The following PNPT1 variants were observed in gnomAD, a reference collection of about 807,000 sequenced individuals.
The protein encoded by PNPT1 is polyribonucleotide nucleotidyltransferase 1, mitochondrial.
PNPT1 carries 53 observed loss-of-function variants against 119.5 expected under a neutral mutation model. The ratio of observed to expected loss-of-function variants is 0.44; its 90% CI spans 0.36 to 0.56. The LOEUF (loss-of-function observed/expected upper bound fraction) is 0.56. Ranked by LOEUF, PNPT1 falls within the 20% of genes least tolerant of loss-of-function variation. The probability of loss-of-function intolerance (pLI) is 0.00; values close to 1 mark genes in which losing one functional copy is unlikely to be tolerated. For synonymous variants in PNPT1, 357 were observed against 322.1 expected (o/e 1.11, Z -1.16); for missense variants, 948 against 938.5 (o/e 1.01, Z -0.13).
intron 2 of PNPT1, among the ~76,000 whole-genome samples, chr2:55,687,276 C>A (rs1422413228): frequency 6.7e-6 from 1 of 148,528 alleles, no homozygotes; most frequent in Non-Finnish European, 1.5e-5. Context: ...CCCGTCTCTA[C>A]TAAAAATACA....
Position 55,672,893 on chromosome 2 carries a change from TTATGAG to T in PNPT1, c.860_865del (p.Thr287_His288del), listed in dbSNP as rs746511890. ...TTTTCATTTGCACAGATGTTCTTAC[TTATGAG>T]TATATTTCACAATCTCTGGCGAAGG... On this transcript the variant is annotated inframe_deletion and splice_region_variant, in exon 9 of 28. Coordinates refer to ENST00000447944, the MANE Select transcript of PNPT1 (RefSeq NM_033109.5). 2.5e-6 allele frequency: 4 copies of T among 1,589,684 alleles called. No individual in the cohort carries two copies. The highest frequency in any genetic ancestry group is 2.3e-5 in the East Asian group (1 of 44,032).
chr2:55,651,257 A>AC (rs1696187719), intron 18 of PNPT1, among the ~76,000 whole-genome samples: 1 of 149,024 alleles, frequency 6.7e-6, no homozygotes, highest in Non-Finnish European at 1.5e-5. Flanking sequence ...CCCGGCCACC[A>AC]CCCCGTCTGG....
intron 26 of PNPT1, among the ~76,000 whole-genome samples, chr2:55,637,999 C>CAA (rs890316221): frequency 4.4e-4 from 39 of 88,044 alleles, no homozygotes; most frequent in African/African-American, 9.1e-4. Context: ...GAATCCGTCT[C>CAA]AAAAAAAAAA....
intron 13 of PNPT1, among the ~76,000 whole-genome samples, chr2:55,662,264 C>G (rs777873277): frequency 6.6e-6 from 1 of 152,138 alleles, no homozygotes; most frequent in African/African-American, 2.4e-5. Flanking sequence ...AAGCACTGCT[C>G]TAGGAGTGCT....
chr2:55,639,245 C>T (rs909523712), intron 26 of PNPT1, among the ~76,000 whole-genome samples: 1 of 152,136 alleles, frequency 6.6e-6, no homozygotes, highest in Non-Finnish European at 1.5e-5. Flanking sequence ...GTGTATCATT[C>T]TTTCAACTTC....
intron 18 of PNPT1, among the ~76,000 whole-genome samples, chr2:55,651,232 T>G (rs1340476338): frequency 6.7e-6 from 1 of 149,644 alleles, no homozygotes; most frequent in Non-Finnish European, 1.5e-5. Context: ...TACTGGGAAG[T>G]GAGGAGCCCC....
chr2:55,658,895 C>A (rs1220476520), intron 15 of PNPT1, among the ~76,000 whole-genome samples: 3 of 152,174 alleles, frequency 2.0e-5, no homozygotes, highest in African/African-American at 4.8e-5. Context: ...GGGCAGCCAA[C>A]AAGGGTTACA....
At chr2:55,636,438 G>C (rs1270249610) in intron 27 of PNPT1, 46 bp from the exon 28 acceptor site, 1 of 1,586,586 alleles carries the variant, frequency 6.3e-7, no homozygotes, top group Non-Finnish European at 8.6e-7. Flanking sequence ...AGCACATTGA[G>C]TGACATCTAA....
intron 3 of PNPT1, among the ~76,000 whole-genome samples, chr2:55,685,464 G>C (rs1015222612): frequency 6.6e-6 from 1 of 152,108 alleles, no homozygotes; most frequent in Non-Finnish European, 1.5e-5. Context: ...GGAGTTTGAG[G>C]CTGCAGTGAA....
intron 8 of PNPT1, among the ~76,000 whole-genome samples, chr2:55,673,581 T>A (rs2104130006): frequency 6.6e-6 from 1 of 152,128 alleles, no homozygotes; most frequent in Admixed American, 6.5e-5. Context: ...CCCGAGTAGC[T>A]GGGACTACAG....
intron 18 of PNPT1, among the ~76,000 whole-genome samples, chr2:55,647,908 C>T (rs2104040376): frequency 6.6e-6 from 1 of 152,324 alleles, no homozygotes; most frequent in East Asian, 1.9e-4. Context: ...GGTCATCTGA[C>T]TACTTCGTTT....
At chr2:55,669,504 A>G (rs563766598) in intron 11 of PNPT1, among the ~76,000 whole-genome samples, 2 of 152,352 alleles carry the variant, frequency 1.3e-5, no homozygotes, top group South Asian at 4.1e-4. Flanking sequence ...AGACTTTAAT[A>G]TCTTTTCTGC....
At chr2:55,655,287 C>T (rs965520199) in intron 17 of PNPT1, among the ~76,000 whole-genome samples, 6 of 152,138 alleles carry the variant, frequency 3.9e-5, no homozygotes, top group African/African-American at 1.4e-4. Context: ...CAGCCTGCCA[C>T]CACGCCCAGC....
In PNPT1 at chr2:55,645,375, G is replaced by C. The variant is rs1695956717; in HGVS notation, c.1796C>G (p.Ser599Cys). 2 of 1,612,246 alleles carry C rather than the reference G, an allele frequency of 1.2e-6. No homozygotes were observed. Among genetic ancestry groups the C allele is most frequent in the African/African-American group, 1.3e-5 (1 of 74,816 alleles). ...MNKTISKPRA[S>C]RKENGPVVET... ...TACAACAGGTCCATTTTCTTTTCTA[G>C]ATGCTCGAGGTTTTGAAATAGTTTT... Residue 599 changes from serine to cysteine, a missense_variant, in exon 22 of 28, where the codon TCT becomes TGT. By Grantham distance (112) the Ser-to-Cys change is moderately radical (BLOSUM62 -1). Transcript: ENST00000447944.
At chr2:55,691,859 T>C (rs1283110983) in intron 1 of PNPT1, among the ~76,000 whole-genome samples, 6 of 49,816 alleles carry the variant, frequency 1.2e-4, no homozygotes, top group Non-Finnish European at 2.1e-4. Context: ...TATATATATA[T>C]ATATATATAT....
intron 18 of PNPT1, among the ~76,000 whole-genome samples, chr2:55,648,981 T>C (rs913483876): frequency 4.0e-5 from 6 of 150,276 alleles, no homozygotes; most frequent in African/African-American, 1.2e-4. Flanking sequence ...TCATTTTCTC[T>C]AAGCAACCTC....
At chr2:55,640,334 A>G (rs1474577441) in intron 26 of PNPT1, among the ~76,000 whole-genome samples, 1 of 152,126 alleles carries the variant, frequency 6.6e-6, no homozygotes, top group Non-Finnish European at 1.5e-5. Context: ...TTGTATTTTT[A>G]GTACACACTG....
At chr2:55,648,653 T>C (rs772410923) in intron 18 of PNPT1, among the ~76,000 whole-genome samples, 61 of 152,186 alleles carry the variant, frequency 4.0e-4, no homozygotes, top group Non-Finnish European at 2.4e-4. Flanking sequence ...CTTCAACACT[T>C]TTCTACTTGG....
intron 27 of PNPT1, among the ~76,000 whole-genome samples, chr2:55,636,998 A>G (rs1322469852): frequency 1.3e-5 from 2 of 152,246 alleles, no homozygotes; most frequent in Non-Finnish European, 1.5e-5. Context: ...GGAATAAACC[A>G]GAAGCCTTAG....
Sources: gnomAD v4.1 joint callset for allele counts (sites outside exome capture counted in the v4.1 genomes callset) on GRCh38, gnomAD v4.1.1 for gene constraint, MANE v1.5 for transcripts, NCBI Gene and HGNC (gene_info 2026-07-23, HGNC 2026-07-21) for gene names.